PAOX: variants seen among roughly 807,000 people sequenced by gnomAD.
PAOX encodes the protein polyamine oxidase.
PAOX carries 38 observed loss-of-function variants against 39.0 expected under a neutral mutation model. The observed-to-expected ratio is 0.97, with a 90% CI of 0.75 to 1.28. The LOEUF (loss-of-function observed/expected upper bound fraction) is 1.28, where lower values mean the gene tolerates loss of function less well. Ranked by LOEUF, PAOX falls within the 50% of genes most tolerant of loss-of-function variation. PAOX has a pLI of 0.00. For missense variants in PAOX, 667 were observed against 685.7 expected, an observed-to-expected ratio of 0.97 and a Z score of 0.30; for synonymous variants, 311 against 314.4, an observed-to-expected ratio of 0.99 and a Z score of 0.11.
rs979618682 is a variant in PAOX at position 133,384,711 on chromosome 10, A to G, written c.1121+499A>G. 9.9e-5 allele frequency among the ~76,000 whole-genome samples: 15 copies of G among 152,224 alleles called. No homozygotes were observed. Among genetic ancestry groups the G allele is most frequent in the African/African-American group, 3.6e-4 (15 of 41,468 alleles). ...AGACCACGTGGCGATTCAGGAGTTA[A>G]TCCCATGAGTGATGTGGGGATGGAG... is the stretch of plus-strand genomic sequence containing the variant. On this transcript the variant is annotated intron_variant, in intron 4 of 6. Transcript: ENST00000278060. The surrounding 1 kb of genome is among the most constrained non-coding windows in gnomAD (Gnocchi z 4.3).
intron 5 of PAOX, 99 bp downstream of exon 5, chr10:133,389,167 G>T (rs1849603623): frequency 1.1e-5 from 11 of 972,088 alleles, no homozygotes; most frequent in Non-Finnish European, 1.5e-5. Context: ...AACTAAATTT[G>T]GCTGACTCTG....
At position 133,384,129 on chromosome 10, in the gene PAOX, G is replaced by A. The variant is rs145984747; in HGVS notation, c.1038G>A (p.Thr346=). ...TGATCCAGCTGGTGTGGGAGGACAC[G>A]TCGCCCCTGGAGGATGCTGCCCCTG... ...CQLIQLVWED[T]SPLEDAAPEL... The change falls in exon 4 of 7, where the codon ACG becomes ACA. Residue 346 remains threonine, a synonymous_variant. Transcript: ENST00000278060. The surrounding 1 kb of genome is among the most constrained non-coding windows in gnomAD (Gnocchi z 4.3). The A allele has an allele frequency of 6.7e-5, 108 of 1,614,056 alleles. No individual in the cohort carries two copies. The highest frequency in any genetic ancestry group is 7.6e-5 in the Non-Finnish European group (90 of 1,180,042).
Position 133,391,466 on chromosome 10 carries a change from C to G in PAOX, c.*11C>G. The G allele has an allele frequency of 6.2e-7, 1 of 1,609,418 alleles. No individual in the cohort carries two copies. The stretch of plus-strand genomic sequence containing the variant: ...AGGCCCAGGCTCTAGCTGGGCCCAG[C>G]CTACTCTGTTCCACCCGTGTCGGGG... On this transcript the variant is annotated 3_prime_UTR_variant, in exon 7 of 7. Coordinates refer to ENST00000278060, the MANE Select transcript of PAOX (RefSeq NM_152911.4).
chr10:133,380,040 T>C lies in PAOX; in HGVS notation c.223T>C (p.Ser75Pro). ...GGGCGCGCACTGGATCCATGGGCCC[T>C]CCCGGGGTAACCCCGTCTTCCAGCT... ...EVGAHWIHGP[S>P]RGNPVFQLAA... Residue 75 changes from serine to proline, a missense_variant, in exon 2 of 7, where the codon TCC (serine) becomes CCC (proline). Transcript: ENST00000278060. The C allele has an allele frequency of 6.6e-7, 1 of 1,523,016 alleles. No individual in the cohort carries two copies. Among genetic ancestry groups the C allele is most frequent in the South Asian group, 1.3e-5 (1 of 76,254 alleles). The allele number at this position is 1,523,016 out of a possible 1,614,324, so 94.3% of individuals were successfully genotyped here.
intron 2 of PAOX, 103 bp from the exon 3 acceptor site, chr10:133,381,357 G>A (rs997827959): frequency 1.9e-5 from 21 of 1,117,646 alleles, no homozygotes; most frequent in African/African-American, 3.1e-5. Flanking sequence ...AGAGCTCCCC[G>A]CAGCTACCTT....
At chr10:133,389,861 A>G (rs2133478604) in intron 6 of PAOX, 114 bp downstream of exon 6, 4 of 1,181,208 alleles carry the variant, frequency 3.4e-6, no homozygotes, top group East Asian at 3.1e-5. Flanking sequence ...CCAGACTCGG[A>G]AGCCATTTTC....
intron 2 of PAOX, 119 bp from the exon 3 acceptor site, chr10:133,381,341 C>T (rs965452188): frequency 2.7e-5 from 25 of 917,482 alleles, no homozygotes; most frequent in Admixed American, 2.3e-4. Flanking sequence ...TGGCCCTGAG[C>T]GATGGAGAGC....
chr10:133,390,822 T>TGCCAACCCCC, intron 6 of PAOX: 1 of 536,436 alleles, frequency 1.9e-6, no homozygotes, highest in East Asian at 3.4e-5. Context: ...GACTCCCAGA[T>TGCCAACCCCC]CCCTCCCCCA....
At chr10:133,390,986 G>A (rs766572607) in intron 6 of PAOX, 21 of 699,374 alleles carry the variant, frequency 3.0e-5, no homozygotes, top group South Asian at 9.1e-5. Context: ...CTTCCCACCC[G>A]TTGGTGGATG....
chr10:133,388,337 C>T (rs1849580964), intron 4 of PAOX, among the ~76,000 whole-genome samples: 1 of 152,194 alleles, frequency 6.6e-6, no homozygotes, highest in Non-Finnish European at 1.5e-5. Flanking sequence ...TGTGTGTTCT[C>T]ATCATTTAGC....
At chr10:133,379,593 C>A (rs1245515367) in intron 1 of PAOX, 96 bp downstream of exon 1, 1 of 1,020,680 alleles carries the variant, frequency 9.8e-7, no homozygotes, top group African/African-American at 1.7e-5. Context: ...CCTGCCCGGC[C>A]GCCTCACCGG....
chr10:133,380,693 G>A (rs1328076183), intron 2 of PAOX, among the ~76,000 whole-genome samples: 6 of 152,228 alleles, frequency 3.9e-5, no homozygotes, highest in Non-Finnish European at 8.8e-5. Context: ...AAGAAGGAAA[G>A]GTAAGGCTGA....
intron 2 of PAOX, 78 bp downstream of exon 2, chr10:133,380,563 T>TG: frequency 6.8e-7 from 1 of 1,478,810 alleles, no homozygotes; most frequent in South Asian, 1.3e-5. Context: ...GCTCCGCTCT[T>TG]GCTTGGGTAT....
chr10:133,390,438 A>G (rs889556603), intron 6 of PAOX, among the ~76,000 whole-genome samples: 2 of 150,994 alleles, frequency 1.3e-5, no homozygotes, highest in Non-Finnish European at 2.9e-5. Flanking sequence ...ACACACACAC[A>G]CACACACAAG....
chr10:133,387,837 C>T (rs1849567926), intron 4 of PAOX, among the ~76,000 whole-genome samples: 1 of 152,238 alleles, frequency 6.6e-6, no homozygotes, highest in Non-Finnish European at 1.5e-5. Flanking sequence ...TCTCCTGCCT[C>T]AACCTGCCGA....
chr10:133,391,442 G>A lies in PAOX; in HGVS notation c.1523G>A (p.Arg508Lys). ...SLWAPQVQQPRPRL is the reference protein window; with the variant it reads ...SLWAPQVQQPKPRL ...TGGGCCCCGCAGGTGCAGCAGCCCA[G>A]GCCCAGGCTCTAGCTGGGCCCAGCC... Residue 508 changes from arginine (R) to lysine (K), a missense_variant, in exon 7 of 7, where the codon AGG becomes AAG. By Grantham distance (26) the Arg-to-Lys change is conservative. Transcript: ENST00000278060. 1 of 1,612,412 alleles carries A rather than the reference G, an allele frequency of 6.2e-7. No individual in the cohort carries two copies. The highest frequency in any genetic ancestry group is 1.3e-5 in the African/African-American group (1 of 75,054).
rs562279421 is a variant in PAOX at position 133,385,303 on chromosome 10, AAAAG to A, written c.1121+1099_1121+1102del. Among the ~76,000 whole-genome samples the A allele has an allele frequency of 3.6e-3, 550 of 152,160 alleles. 3 individuals are homozygous for A. The highest frequency in any genetic ancestry group is 0.011 in the African/African-American group (458 of 41,532). On this transcript the variant is annotated intron_variant, in intron 4 of 6. Coordinates refer to ENST00000278060, the MANE Select transcript of PAOX (RefSeq NM_152911.4). ...AAGAGCAAAACTCTGTCTAAAAAAA[AAAAG>A]AAAGAAAACTGGCATTCCAGGTGTT...
At chr10:133,379,701 C>T in intron 1 of PAOX, 1 of 541,768 alleles carries the variant, frequency 1.8e-6, no homozygotes, top group Non-Finnish European at 2.9e-6. Flanking sequence ...CCAGGGAAGG[C>T]GACCTACGGC....
In PAOX at chr10:133,380,558, G is replaced by A. The variant is rs576772265; in HGVS notation, c.668+73G>A. ...AGGGCACCGGGGCTGGCTGAGCTCC[G>A]CTCTTGCTTGGGTATGGGAGGGACA... On this transcript the variant is annotated intron_variant, in intron 2 of 6. Coordinates refer to ENST00000278060, the MANE Select transcript of PAOX (RefSeq NM_152911.4). 1.5e-3 allele frequency: 2,287 copies of A among 1,487,688 alleles called. 2 individuals are homozygous for A. Among genetic ancestry groups the A allele is most frequent in the Non-Finnish European group, 1.9e-3 (2,143 of 1,120,452 alleles). 92.2% of individuals were successfully genotyped at this position (1,487,688 alleles called of 1,614,324 possible). A position where few individuals can be genotyped will look rare whatever the true frequency, so the allele number is the denominator to read the frequency against.
Sources: gnomAD v4.1 joint callset for allele counts (sites outside exome capture counted in the v4.1 genomes callset) on GRCh38, gnomAD v4.1.1 for gene constraint, Gnocchi (gnomAD v3.1) non-coding constraint, MANE v1.5 for transcripts, NCBI Gene and HGNC (gene_info 2026-07-23, HGNC 2026-07-21) for gene names.